Variants in CRB1 observed in about 807,000 individuals in gnomAD.
The protein encoded by CRB1 is protein crumbs homolog 1.
In CRB1, 83 loss-of-function variants were observed where a neutral mutation model predicts 120.0. That is an observed-to-expected ratio of 0.69 (90% CI 0.58 to 0.83). The LOEUF is 0.83. Among genes scored for constraint, CRB1 ranks in the 40% least tolerant of loss-of-function variants. The pLI, the probability that CRB1 is intolerant of heterozygous loss-of-function variation, is 0.00. For synonymous variants in CRB1, 625 were observed against 612.5 expected, an observed-to-expected ratio of 1.02 and a Z score of -0.30; for missense variants, 1,699 against 1,687.6, an observed-to-expected ratio of 1.01 and a Z score of -0.12.
At chr1:197,459,494 G>A (rs1033125075) in intron 11 of CRB1, among the ~76,000 whole-genome samples, 3 of 152,074 alleles carry the variant, frequency 2.0e-5, no homozygotes, top group Non-Finnish European at 2.9e-5. Context: ...TTCGTAAATG[G>A]TCTCTTCTCT....
chr1:197,343,762 C>G (rs1203801528), intron 2 of CRB1, among the ~76,000 whole-genome samples: 5 of 152,086 alleles, frequency 3.3e-5, no homozygotes, highest in African/African-American at 4.8e-5. Context: ...GACTAAGAGT[C>G]CTATGAGATA....
At chr1:197,381,858 A>G (rs1455486238) in intron 5 of CRB1, among the ~76,000 whole-genome samples, 1 of 152,200 alleles carries the variant, frequency 6.6e-6, no homozygotes, top group Non-Finnish European at 1.5e-5. Context: ...TTAAAAATGT[A>G]AGTTCTGCAC....
chr1:197,294,096 CA>C (rs1221769695), intron 1 of CRB1, among the ~76,000 whole-genome samples: 4 of 152,086 alleles, frequency 2.6e-5, no homozygotes, highest in Middle Eastern at 3.2e-3. Flanking sequence ...TTCTGCACAG[CA>C]AAAGAAACTA....
At position 197,382,554 on chromosome 1, in the gene CRB1, G is replaced by A. The variant is rs1468057080; in HGVS notation, c.1171+25541G>A. On this transcript the variant is annotated intron_variant, in intron 5 of 11. Coordinates refer to ENST00000367400, the MANE Select transcript of CRB1 (RefSeq NM_201253.3). ...AATAATTATTCAAAGACAGCAAGAC[G>A]TTTTTCAAAGAAACATCTGGGTTTA... Among the ~76,000 whole-genome samples, 10 of 152,112 alleles carry A rather than the reference G, an allele frequency of 6.6e-5. No homozygotes were observed. In the South Asian group the frequency reaches 1.7e-3, roughly 25 times the overall value.
chr1:197,287,139 G>A (rs1400504343), intron 1 of CRB1, among the ~76,000 whole-genome samples: 1 of 151,846 alleles, frequency 6.6e-6, no homozygotes, highest in Non-Finnish European at 1.5e-5. Context: ...ATATATAGGA[G>A]CTAATTAGAA....
At chr1:197,269,462 C>T (rs1654785989) in intron 1 of CRB1, among the ~76,000 whole-genome samples, 1 of 152,258 alleles carries the variant, frequency 6.6e-6, no homozygotes, top group African/African-American at 2.4e-5. Flanking sequence ...AAAACCAAGT[C>T]AAACTTTAAA....
chr1:197,322,463 AAATAAT>A (rs527686372), intron 1 of CRB1, among the ~76,000 whole-genome samples: 75 of 150,242 alleles, frequency 5.0e-4, no homozygotes, highest in Non-Finnish European at 8.1e-4. Flanking sequence ...ACTCTGTCTC[AAATAAT>A]AATAATAATA....
chr1:197,380,721 A>G (rs1161240248), intron 5 of CRB1, among the ~76,000 whole-genome samples: 1 of 152,198 alleles, frequency 6.6e-6, no homozygotes, highest in Non-Finnish European at 1.5e-5. Flanking sequence ...TTAAAACACC[A>G]GGAAGCTCTA....
intron 5 of CRB1, among the ~76,000 whole-genome samples, chr1:197,361,378 A>C (rs563040970): frequency 6.6e-6 from 1 of 152,098 alleles, no homozygotes; most frequent in South Asian, 2.1e-4. Context: ...GATCCTGGAG[A>C]TTCCATTTTC....
intron 1 of CRB1, among the ~76,000 whole-genome samples, chr1:197,282,305 T>A (rs938920697): frequency 1.3e-5 from 2 of 151,824 alleles, no homozygotes; most frequent in South Asian, 4.1e-4. Flanking sequence ...CTGGACTACT[T>A]ATTAGAATAA....
chr1:197,455,492 A>G (rs944646017), intron 11 of CRB1, among the ~76,000 whole-genome samples: 2 of 152,122 alleles, frequency 1.3e-5, no homozygotes, highest in Non-Finnish European at 2.9e-5. Context: ...AGTTTCTACT[A>G]ATTTTTAATT....
chr1:197,269,583 T>C (rs973375679), intron 1 of CRB1, among the ~76,000 whole-genome samples: 6 of 152,070 alleles, frequency 3.9e-5, no homozygotes. Flanking sequence ...CCTTGAAACT[T>C]AATGTGGGCC....
Position 197,435,462 on chromosome 1 carries a change from G to A in CRB1, c.3599G>A (p.Cys1200Tyr). Residue 1200 changes from cysteine (C) to tyrosine (Y), a missense_variant, in exon 9 of 12, where the codon TGC becomes TAC. Physicochemically the swap from Cys to Tyr is radical, Grantham distance 194 (BLOSUM62 -2). Transcript: ENST00000367400. ...NCSDRVAAYHCTCEPGYTGVN... is the reference protein window; with the variant it reads ...NCSDRVAAYHYTCEPGYTGVN... ...TCTGACAGAGTTGCAGCCTACCACT[G>A]CACATGTGAGCCTGGATACACTGGT... is the stretch of plus-strand genomic sequence containing the variant. 6.3e-7 allele frequency: 1 copy of A among 1,597,708 alleles called. No homozygotes were observed. Among genetic ancestry groups the A allele is most frequent in the Non-Finnish European group, 8.5e-7 (1 of 1,171,530 alleles).
At chr1:197,214,924 A>T in the CRB1 span, among the ~76,000 whole-genome samples, 97 of 152,316 alleles carry the variant, frequency 6.4e-4, no homozygotes, top group South Asian at 1.2e-3. Flanking sequence ...AGATACAAAA[A>T]TCGTAAAAAC....
chr1:197,475,234 G>A (rs1049804855), intron 11 of CRB1, among the ~76,000 whole-genome samples: 2 of 152,106 alleles, frequency 1.3e-5, no homozygotes, highest in Admixed American at 1.3e-4. Flanking sequence ...AGGCACCTAA[G>A]ACCAGCTTTT....
At chr1:197,231,167 C>T in the CRB1 span, among the ~76,000 whole-genome samples, 13 of 152,104 alleles carry the variant, frequency 8.5e-5, no homozygotes, top group Admixed American at 7.2e-4. Flanking sequence ...GTTTTATAAA[C>T]AGTTACAGGC....
chr1:197,309,495 C>T (rs1657382932), intron 1 of CRB1, among the ~76,000 whole-genome samples: 1 of 152,126 alleles, frequency 6.6e-6, no homozygotes, highest in Non-Finnish European at 1.5e-5. Flanking sequence ...TGGCTCACGC[C>T]TGTAATCCCA....
chr1:197,374,166 A>G (rs949976), intron 5 of CRB1, among the ~76,000 whole-genome samples: 37,734 of 151,954 alleles, frequency 0.25, 5,207 homozygotes, highest in Middle Eastern at 0.38. Flanking sequence ...GGATGGATCC[A>G]GATAATGATG....
chr1:197,337,777 T>C (rs1469811803), intron 2 of CRB1, among the ~76,000 whole-genome samples: 3 of 152,132 alleles, frequency 2.0e-5, no homozygotes, highest in Non-Finnish European at 2.9e-5. Flanking sequence ...TGAAGTTCGG[T>C]CAAAATCTCT....
Sources: gnomAD v4.1 joint callset for allele counts (sites outside exome capture counted in the v4.1 genomes callset) on GRCh38, gnomAD v4.1.1 for gene constraint, MANE v1.5 for transcripts, NCBI Gene and HGNC (gene_info 2026-07-23, HGNC 2026-07-21) for gene names.